Variants in SNPH observed in about 807,000 individuals in gnomAD.
SNPH encodes syntaphilin.
Under a neutral mutation model 36.8 loss-of-function variants are expected in SNPH, and 10 were observed. That is an observed-to-expected ratio of 0.27 (90% CI 0.17 to 0.46). SNPH has a LOEUF of 0.46. Among genes scored for constraint, SNPH ranks in the 20% least tolerant of loss-of-function variants. SNPH has a pLI of 1.00. For missense variants in SNPH, 622 were observed against 744.0 expected (o/e 0.84, Z 1.91); for synonymous variants, 281 against 312.2 (o/e 0.90, Z 1.05).
chr20:1,267,233 A>G (rs1325076561), intron 2 of SNPH, among the ~76,000 whole-genome samples: 1 of 151,812 alleles, frequency 6.6e-6, no homozygotes, highest in African/African-American at 2.4e-5. Context: ...ATCTGGGGAA[A>G]AAATGCCCAT....
rs3764715 is a variant in SNPH, at chr20:1,306,407, G to A, written c.*353G>A. ...CTGGCTGTCTTCATGTGGGGAAGCC[G>A]GGCTTGAGTTGCCCATAGGCCCCTG... On this transcript the variant is annotated 3_prime_UTR_variant, in exon 7 of 7. Coordinates refer to ENST00000381867, the MANE Select transcript of SNPH (RefSeq NM_001318234.2). The A allele has an allele frequency of 0.3, 62,212 of 210,656 alleles. 9,851 individuals are homozygous for A. Among genetic ancestry groups the A allele is most frequent in the East Asian group, 0.45 (4,092 of 9,172 alleles). 13.0% of individuals were successfully genotyped at this position (210,656 alleles called of 1,614,324 possible).
chr20:1,277,692 C>CTA (rs2122267122), intron 2 of SNPH, among the ~76,000 whole-genome samples: 1 of 112,298 alleles, frequency 8.9e-6, no homozygotes, highest in African/African-American at 3.5e-5. Flanking sequence ...ATGTGTGTGC[C>CTA]TGTGTGTCTG....
rs539185563 is a variant in SNPH, at chr20:1,280,873, C to T, written c.-492-14078C>T. Among the ~76,000 whole-genome samples, 25 of 152,276 alleles carry T rather than the reference C, an allele frequency of 1.6e-4. 2 individuals carry two copies. The highest frequency in any genetic ancestry group is 5.8e-4 in the African/African-American group (24 of 41,552). On this transcript the variant is annotated intron_variant, in intron 2 of 6. Transcript: ENST00000381867. ...TCCTAGCACCTGGGAAGACTCCAAG[C>T]CTCTGAAGGCATGATGCCCATTCCT...
chr20:1,281,020 A>G (rs2088211790), intron 2 of SNPH, among the ~76,000 whole-genome samples: 1 of 152,086 alleles, frequency 6.6e-6, no homozygotes, highest in Admixed American at 6.5e-5. Context: ...GTGTGTTTGT[A>G]TGTTTTAAGG....
intron 2 of SNPH, among the ~76,000 whole-genome samples, chr20:1,274,501 G>A (rs2088109025): frequency 6.6e-6 from 1 of 152,210 alleles, no homozygotes; most frequent in Non-Finnish European, 1.5e-5. Context: ...GTGCTTGACA[G>A]CTGTAACCCA....
At chr20:1,268,351 C>T (rs1410220483) in intron 2 of SNPH, among the ~76,000 whole-genome samples, 5 of 152,166 alleles carry the variant, frequency 3.3e-5, no homozygotes, top group Non-Finnish European at 7.4e-5. Context: ...TCACATGAAT[C>T]CCACTGTGGC....
intron 2 of SNPH, among the ~76,000 whole-genome samples, chr20:1,273,073 T>G (rs540038220): frequency 6.6e-6 from 1 of 152,224 alleles, no homozygotes; most frequent in East Asian, 1.9e-4. Flanking sequence ...GTGGGTGGGG[T>G]AGTTCCTGTT....
chr20:1,305,660 C>T lies in SNPH; in HGVS notation c.1223C>T (p.Ala408Val). Reference sequence around the variant, plus strand: ...TCAGGGCCCAGAGACCCCAACTCAGCAGTGGTGGTGACAGTGGGTGATGAG... The same window carrying T: ...TCAGGGCCCAGAGACCCCAACTCAGTAGTGGTGGTGACAGTGGGTGATGAG... Reference protein sequence around the residue: ...HPSGPRDPNSAVVVTVGDELE... With the variant: ...HPSGPRDPNSVVVVTVGDELE... Residue 408 changes from alanine (A) to valine (V), a missense_variant, in exon 7 of 7, where the codon GCA becomes GTA. Physicochemically the swap from Ala to Val is moderately conservative, Grantham distance 64. This residue lies in a region of SNPH where 379 missense variants were observed against 427.9 expected (regional missense o/e 0.89). Coordinates refer to ENST00000381867, the MANE Select transcript of SNPH (RefSeq NM_001318234.2). The T allele has an allele frequency of 6.2e-7, 1 of 1,612,826 alleles. No homozygotes were observed. Among genetic ancestry groups the T allele is most frequent in the Non-Finnish European group, 8.5e-7 (1 of 1,179,690 alleles).
chr20:1,277,614 G>A (rs1393479165), intron 2 of SNPH, among the ~76,000 whole-genome samples: 1 of 72,714 alleles, frequency 1.4e-5, no homozygotes, highest in Non-Finnish European at 3.0e-5. Flanking sequence ...GTGTGTCTGT[G>A]TATGTGTGCC....
chr20:1,305,513 A>G lies in SNPH; in HGVS notation c.1076A>G (p.Gln359Arg). 1.2e-6 allele frequency: 2 copies of G among 1,613,290 alleles called. No homozygotes were observed. Among genetic ancestry groups the G allele is most frequent in the East Asian group, 4.5e-5 (2 of 44,890 alleles). ...QASCMQERAI[Q>R]TDFVQYQPDL... is the part of the protein sequence containing the mutation. ...AGCTGCATGCAGGAGCGTGCCATCC[A>G]GACAGACTTCGTGCAGTACCAGCCT... Residue 359 changes from glutamine to arginine, a missense_variant, in exon 7 of 7, where the codon CAG becomes CGG. Gln to Arg is a conservative substitution (Grantham distance 43). Coordinates refer to ENST00000381867, the MANE Select transcript of SNPH (RefSeq NM_001318234.2).
chr20:1,278,577 A>G (rs2088180583), intron 2 of SNPH, among the ~76,000 whole-genome samples: 2 of 152,250 alleles, frequency 1.3e-5, no homozygotes, highest in Non-Finnish European at 2.9e-5. Flanking sequence ...CACATTTTCT[A>G]GTAGTTTATA....
At position 1,276,325 on chromosome 20, in the gene SNPH, C is replaced by T. The variant is rs2088131184; in HGVS notation, c.-493+9565C>T. Reference sequence around the variant, plus strand: ...TTTGTAAGGAATCCCTGAGGCCAGCCATCCAGATGAAAAAGCCCAGGATCC... The same window carrying T: ...TTTGTAAGGAATCCCTGAGGCCAGCTATCCAGATGAAAAAGCCCAGGATCC... On this transcript the variant is annotated intron_variant, in intron 2 of 6. Transcript: ENST00000381867. This position sits in a 1 kb window ranked among gnomAD's most constrained non-coding sequence, Gnocchi z 4.6. Among the ~76,000 whole-genome samples, 1 of 152,174 alleles carries T rather than the reference C, an allele frequency of 6.6e-6. No homozygotes were observed. Among genetic ancestry groups the T allele is most frequent in the South Asian group, 2.1e-4 (1 of 4,826 alleles).
At chr20:1,292,308 C>T (rs2088372176) in intron 2 of SNPH, among the ~76,000 whole-genome samples, 1 of 152,102 alleles carries the variant, frequency 6.6e-6, no homozygotes, top group South Asian at 2.1e-4. Flanking sequence ...ACAAACAGCC[C>T]ATGTAGAGAT....
chr20:1,287,350 C>T (rs138118220), intron 2 of SNPH, among the ~76,000 whole-genome samples: 79 of 152,304 alleles, frequency 5.2e-4, no homozygotes, highest in Non-Finnish European at 1.0e-3. Context: ...TCCTGTCATA[C>T]CCGTAGGCCT....
chr20:1,271,077 C>A (rs987859020), intron 2 of SNPH, among the ~76,000 whole-genome samples: 12 of 152,276 alleles, frequency 7.9e-5, no homozygotes, highest in Admixed American at 1.3e-4. Flanking sequence ...ACGTGTTTGT[C>A]GCATACTCAG....
chr20:1,278,206 C>CTG (rs1206353835), intron 2 of SNPH, among the ~76,000 whole-genome samples: 1 of 149,158 alleles, frequency 6.7e-6, no homozygotes, highest in East Asian at 2.0e-4. Context: ...GTGTCAGTGT[C>CTG]TGTGTGTGTG....
Position 1,279,997 on chromosome 20 carries a change from C to A in SNPH, c.-493+13237C>A, listed in dbSNP as rs1600249080. 3.3e-5 allele frequency among the ~76,000 whole-genome samples: 5 copies of A among 152,278 alleles called. 1 individual carries two copies. The highest frequency in any genetic ancestry group is 3.3e-4 in the Admixed American group (5 of 15,296). On this transcript the variant is annotated intron_variant, in intron 2 of 6. Transcript: ENST00000381867. The stretch of plus-strand genomic sequence containing the variant: ...GAGGAGCGTGTGTCAGTGCCAATGC[C>A]ATCAAAAGGCCTTTTGGAGGCAGAG...
At chr20:1,271,782 A>G (rs1465507004) in intron 2 of SNPH, among the ~76,000 whole-genome samples, 3 of 152,244 alleles carry the variant, frequency 2.0e-5, no homozygotes, top group Non-Finnish European at 4.4e-5. Flanking sequence ...CTCTTCAAAA[A>G]TAGAATGATG....
intron 2 of SNPH, among the ~76,000 whole-genome samples, chr20:1,277,927 G>C: frequency 6.7e-6 from 1 of 149,502 alleles, no homozygotes; most frequent in African/African-American, 2.5e-5. Context: ...GCCTGTGTGT[G>C]TCTGCGTGTG....
Sources: allele counts gnomAD v4.1 joint callset (sites outside exome capture counted in the v4.1 genomes callset), GRCh38; gene constraint gnomAD v4.1.1; regional missense constraint gnomAD v4.1.1; non-coding constraint Gnocchi (gnomAD v3.1); transcripts MANE v1.5; gene names NCBI Gene and HGNC (gene_info 2026-07-23, HGNC 2026-07-21).